Variants in C8orf34 observed in about 807,000 individuals in gnomAD.
C8orf34 encodes the protein chromosome 8 open reading frame 34, also known as uncharacterized protein C8orf34.
C8orf34 carries 65 observed loss-of-function variants against 68.3 expected under a neutral mutation model. The observed-to-expected ratio is 0.95, with a 90% CI of 0.78 to 1.17. The LOEUF (loss-of-function observed/expected upper bound fraction) is 1.17, where lower values mean the gene tolerates loss of function less well. Ranked by LOEUF, C8orf34 falls within the 50% of genes most tolerant of loss-of-function variation. The pLI, the probability that C8orf34 is intolerant of heterozygous loss-of-function variation, is 0.00. For missense variants in C8orf34, 664 were observed against 655.4 expected (o/e 1.01, Z -0.14); for synonymous variants, 244 against 241.2 (o/e 1.01, Z -0.11).
chr8:68,547,714 TATATGGAA>T (rs1226688573), intron 7 of C8orf34, among the ~76,000 whole-genome samples: 1 of 151,778 alleles, frequency 6.6e-6, no homozygotes, highest in Non-Finnish European at 1.5e-5. Flanking sequence ...TTCTAAAGTT[TATATGGAA>T]ATAATGACCT....
At chr8:68,507,641 C>G (rs1438076315) in intron 5 of C8orf34, among the ~76,000 whole-genome samples, 1 of 152,184 alleles carries the variant, frequency 6.6e-6, no homozygotes, top group Non-Finnish European at 1.5e-5. Flanking sequence ...TTGGCCACTT[C>G]TAAGAGGGCA....
rs763529734 is a variant in C8orf34 at position 68,468,761 on chromosome 8, T to G, written c.677T>G (p.Leu226Trp). 6.2e-7 allele frequency: 1 copy of G among 1,612,694 alleles called. No individual in the cohort carries two copies. The part of the protein sequence containing the change: ...TKPQSRDFDE[L>W]NHILQESKKL... ...CCACAAAGCCGTGATTTTGATGAAT[T>G]GAATCACATCCTTCAGGAGAGCAAG... The change falls in exon 4 of 14, where the codon TTG becomes TGG. Residue 226 changes from leucine (L) to tryptophan (W), a missense_variant. Leu to Trp is a moderately conservative substitution (Grantham distance 61). Transcript: ENST00000518698.
Position 68,468,829 on chromosome 8 carries a change from A to G in C8orf34, c.736+9A>G. 1 of 1,605,544 alleles carries G rather than the reference A, an allele frequency of 6.2e-7. No homozygotes were observed. Among genetic ancestry groups the G allele is most frequent in the East Asian group, 2.2e-5 (1 of 44,726 alleles). ...TGAGAATCTCTCTCGAAGTAAGTTC[A>G]TTTACTTGATTATAATTGAAACTCC... On this transcript the variant is annotated intron_variant, in intron 4 of 13. Coordinates refer to ENST00000518698, the MANE Select transcript of C8orf34 (RefSeq NM_052958.4).
At chr8:68,437,586 T>C (rs965704704) in intron 1 of C8orf34, among the ~76,000 whole-genome samples, 3 of 152,210 alleles carry the variant, frequency 2.0e-5, no homozygotes, top group African/African-American at 7.2e-5. Context: ...ATGATTTAAC[T>C]GAACTCTACA....
At chr8:68,763,287 C>T (rs1018648287) in intron 10 of C8orf34, among the ~76,000 whole-genome samples, 4 of 152,142 alleles carry the variant, frequency 2.6e-5, no homozygotes, top group African/African-American at 9.7e-5. Flanking sequence ...CCTTCCCTAA[C>T]TTTGTTTCCT....
chr8:68,814,161 G>A (rs1824739226), intron 12 of C8orf34, among the ~76,000 whole-genome samples: 1 of 152,150 alleles, frequency 6.6e-6, no homozygotes, highest in South Asian at 2.1e-4. Flanking sequence ...GAACAGTGAT[G>A]CTCAAAGTGA....
rs140898510 is a variant in C8orf34 at position 68,346,232 on chromosome 8, G to A, written c.327+14893G>A. ...GACTTTCTGAGAATCCCAAATCTCTGCATTGAAATAAACATATTTTAATAA... is the reference window on the plus strand; with the variant it reads ...GACTTTCTGAGAATCCCAAATCTCTACATTGAAATAAACATATTTTAATAA... On this transcript the variant is annotated intron_variant, in intron 1 of 13. Transcript: ENST00000518698. 2.0e-3 allele frequency among the ~76,000 whole-genome samples: 296 copies of A among 150,246 alleles called. 2 individuals carry two copies. The highest frequency in any genetic ancestry group is 6.9e-3 in the African/African-American group (284 of 40,874).
At chr8:68,602,930 G>T (rs1817741598) in intron 7 of C8orf34, among the ~76,000 whole-genome samples, 1 of 152,114 alleles carries the variant, frequency 6.6e-6, no homozygotes, top group Admixed American at 6.6e-5. Context: ...GAGCAAGAAA[G>T]ATTTTCTTGG....
At chr8:68,746,061 A>G (rs1214157599) in intron 10 of C8orf34, among the ~76,000 whole-genome samples, 1 of 152,186 alleles carries the variant, frequency 6.6e-6, no homozygotes, top group Non-Finnish European at 1.5e-5. Context: ...CAATCAAACT[A>G]GAACTCAGGA....
chr8:68,517,714 C>T (rs1003185681), intron 5 of C8orf34, among the ~76,000 whole-genome samples: 1 of 152,158 alleles, frequency 6.6e-6, no homozygotes, highest in African/African-American at 2.4e-5. Context: ...AACTCTAAAA[C>T]CTTTTTCACT....
At chr8:68,484,036 T>C (rs925284350) in intron 4 of C8orf34, among the ~76,000 whole-genome samples, 4 of 152,234 alleles carry the variant, frequency 2.6e-5, no homozygotes, top group African/African-American at 7.2e-5. Flanking sequence ...AATTGGCTTA[T>C]GGTTTTGCAG....
intron 10 of C8orf34, among the ~76,000 whole-genome samples, chr8:68,752,890 T>C (rs1226542107): frequency 6.6e-6 from 1 of 152,186 alleles, no homozygotes; most frequent in Non-Finnish European, 1.5e-5. Context: ...ATTTTTTATG[T>C]TTAGGCCAGG....
At chr8:68,661,294 G>T (rs1330612640) in intron 8 of C8orf34, among the ~76,000 whole-genome samples, 1 of 152,192 alleles carries the variant, frequency 6.6e-6, no homozygotes, top group Non-Finnish European at 1.5e-5. Context: ...TTCAGAAAAA[G>T]TCTGAGAGGA....
chr8:68,648,208 T>A (rs915678445), intron 8 of C8orf34, among the ~76,000 whole-genome samples: 5 of 152,190 alleles, frequency 3.3e-5, no homozygotes, highest in Non-Finnish European at 7.4e-5. Context: ...ACAAGCTGCA[T>A]TTCTTGCCTA....
intron 9 of C8orf34, among the ~76,000 whole-genome samples, chr8:68,710,199 G>T (rs1821291918): frequency 6.6e-6 from 1 of 152,060 alleles, no homozygotes; most frequent in Non-Finnish European, 1.5e-5. Context: ...GCTCCAAGAA[G>T]TACCGCAGGA....
chr8:68,451,781 A>G (rs1308887061), intron 3 of C8orf34, among the ~76,000 whole-genome samples: 4 of 152,092 alleles, frequency 2.6e-5, no homozygotes, highest in African/African-American at 9.7e-5. Context: ...AGATTTACCA[A>G]AATATTACAC....
chr8:68,378,304 A>G (rs1410264866), intron 1 of C8orf34, among the ~76,000 whole-genome samples: 1 of 152,106 alleles, frequency 6.6e-6, no homozygotes, highest in Non-Finnish European at 1.5e-5. Context: ...ACAAGAATGT[A>G]AGGAGCTTAT....
intron 8 of C8orf34, among the ~76,000 whole-genome samples, chr8:68,655,240 A>G (rs1214806828): frequency 1.3e-5 from 2 of 152,212 alleles, no homozygotes; most frequent in African/African-American, 4.8e-5. Context: ...TAATCATATT[A>G]CATGCCCACA....
intron 1 of C8orf34, among the ~76,000 whole-genome samples, chr8:68,399,337 G>A (rs573795217): frequency 7.2e-5 from 11 of 151,780 alleles, no homozygotes; most frequent in African/African-American, 7.3e-5. Context: ...CCATGCCTCC[G>A]TTGTCTATCA....
Sources: allele counts gnomAD v4.1 joint callset (sites outside exome capture counted in the v4.1 genomes callset), GRCh38; gene constraint gnomAD v4.1.1; transcripts MANE v1.5; gene names NCBI Gene and HGNC (gene_info 2026-07-23, HGNC 2026-07-21).